Variants in TEX9 observed in about 807,000 individuals in gnomAD.
TEX9 encodes the protein testis-expressed protein 9.
Under a neutral mutation model 59.6 loss-of-function variants are expected in TEX9, and 74 were observed. The ratio of observed to expected loss-of-function variants is 1.24; its 90% CI spans 1.03 to 1.51. TEX9 has a LOEUF of 1.51. Among genes scored for constraint, TEX9 ranks in the 40% most tolerant of loss-of-function variants. The probability of loss-of-function intolerance (pLI) is 0.00; values close to 1 mark genes in which losing one functional copy is unlikely to be tolerated. For synonymous variants in TEX9, 186 were observed against 152.2 expected (o/e 1.22, Z -1.64); for missense variants, 522 against 447.8 (o/e 1.17, Z -1.49).
chr15:56,343,288 C>T (rs1480094925), intron 1 of TEX9, among the ~76,000 whole-genome samples: 1 of 151,838 alleles, frequency 6.6e-6, no homozygotes, highest in East Asian at 1.9e-4. Flanking sequence ...TCTAGATATC[C>T]AGAAAAGAAA....
intron 1 of TEX9, among the ~76,000 whole-genome samples, chr15:56,339,408 A>AAAAC (rs1330935109): frequency 1.4e-5 from 2 of 147,492 alleles, no homozygotes; most frequent in African/African-American, 2.5e-5. Context: ...AAAAAAAAAA[A>AAAAC]AAAAAACAGG....
intron 10 of TEX9, among the ~76,000 whole-genome samples, chr15:56,417,341 A>G (rs1474650091): frequency 6.6e-6 from 1 of 152,022 alleles, no homozygotes; most frequent in Non-Finnish European, 1.5e-5. Context: ...GTTTAGTGCT[A>G]TGAATTTCCC....
At chr15:56,345,238 T>C (rs547092083) in intron 1 of TEX9, among the ~76,000 whole-genome samples, 1 of 152,030 alleles carries the variant, frequency 6.6e-6, no homozygotes, top group East Asian at 1.9e-4. Context: ...GAATGAGGGT[T>C]AAAAGAGTAG....
At chr15:56,321,570 T>G (rs2045905254) in intron 1 of TEX9, among the ~76,000 whole-genome samples, 1 of 152,092 alleles carries the variant, frequency 6.6e-6, no homozygotes, top group Non-Finnish European at 1.5e-5. Flanking sequence ...GAACAGATAT[T>G]GGGAAGGGAA....
chr15:56,360,102 AT>A (rs1368917377), intron 1 of TEX9, among the ~76,000 whole-genome samples: 1 of 152,150 alleles, frequency 6.6e-6, no homozygotes, highest in African/African-American at 2.4e-5. Flanking sequence ...GTGTTGCATA[AT>A]TCTTTTTAGA....
At chr15:56,293,694 G>A (rs1443599018) in intron 1 of TEX9, among the ~76,000 whole-genome samples, 1 of 152,198 alleles carries the variant, frequency 6.6e-6, no homozygotes, top group African/African-American at 2.4e-5. Context: ...GGTCAGCCAT[G>A]CAGGCAGTAT....
At chr15:56,400,610 A>G (rs2048720902) in intron 9 of TEX9, among the ~76,000 whole-genome samples, 1 of 152,214 alleles carries the variant, frequency 6.6e-6, no homozygotes, top group South Asian at 2.1e-4. Context: ...ACAGGACAAC[A>G]TTCAAATTCA....
intron 2 of TEX9, among the ~76,000 whole-genome samples, chr15:56,369,879 A>G (rs2047112037): frequency 6.6e-6 from 1 of 152,164 alleles, no homozygotes. Flanking sequence ...AATTATAATT[A>G]TAGTTTAAAA....
intron 1 of TEX9, among the ~76,000 whole-genome samples, chr15:56,325,489 C>A (rs535621301): frequency 6.6e-6 from 1 of 152,268 alleles, no homozygotes; most frequent in Admixed American, 6.5e-5. Flanking sequence ...CCATACTTAA[C>A]CTCTTACCCA....
intron 9 of TEX9, among the ~76,000 whole-genome samples, chr15:56,404,776 T>C (rs2140074878): frequency 6.6e-6 from 1 of 152,268 alleles, no homozygotes; most frequent in South Asian, 2.1e-4. Context: ...ATGTGGCACA[T>C]ATATACCACG....
At chr15:56,343,299 G>T (rs1178908632) in intron 1 of TEX9, among the ~76,000 whole-genome samples, 2 of 151,866 alleles carry the variant, frequency 1.3e-5, no homozygotes, top group Non-Finnish European at 2.9e-5. Context: ...AGAAAAGAAA[G>T]GCTACATATC....
intron 12 of TEX9, chr15:56,429,368 T>C (rs2050492781): frequency 3.8e-6 from 2 of 531,996 alleles, no homozygotes; most frequent in Admixed American, 3.8e-5. Context: ...ACTTTACATA[T>C]ATATTGAATA....
chr15:56,310,970 A>G (rs1260304360), intron 1 of TEX9, among the ~76,000 whole-genome samples: 1 of 152,110 alleles, frequency 6.6e-6, no homozygotes, highest in African/African-American at 2.4e-5. Flanking sequence ...GAAGGGCCCT[A>G]CAGATGACCT....
rs1486794395 is a variant in TEX9, at chr15:56,426,620, T to C, written c.964-985T>C. ...ATATATATATATATATATATATATA[T>C]ATATATACACACACACAAACACACA... is the stretch of plus-strand genomic sequence containing the variant. On this transcript the variant is annotated intron_variant, in intron 10 of 12. Coordinates refer to ENST00000352903, the Ensembl canonical transcript of TEX9. Among the ~76,000 whole-genome samples the C allele has an allele frequency of 2.9e-3, 159 of 54,936 alleles. 8 individuals are homozygous for C. Among genetic ancestry groups the C allele is most frequent in the African/African-American group, 9.4e-3 (156 of 16,604 alleles). The allele number at this position is 54,936 out of a possible 152,430, so 36.0% of individuals were successfully genotyped here.
chr15:56,410,914 G>T (rs970030976), intron 9 of TEX9, among the ~76,000 whole-genome samples: 1 of 152,208 alleles, frequency 6.6e-6, no homozygotes, highest in African/African-American at 2.4e-5. Context: ...CTGTGAAGAA[G>T]GCTGTGATAG....
chr15:56,414,254 A>AT (rs2049552398), intron 10 of TEX9, among the ~76,000 whole-genome samples: 11 of 113,874 alleles, frequency 9.7e-5, no homozygotes, highest in Admixed American at 4.7e-4. Flanking sequence ...ATTTTGTTTT[A>AT]ATTTTTTTTA....
At position 56,327,007 on chromosome 15, in the gene TEX9, C is replaced by G. The variant is rs192014253; in HGVS notation, c.-106-46434C>G. Among the ~76,000 whole-genome samples the G allele has an allele frequency of 3.9e-5, 6 of 152,186 alleles. No individual in the cohort carries two copies. In the East Asian group the frequency reaches 1.2e-3, roughly 29 times the overall value. ...CCATTAAAGAACTTACCCGTGTAAC[C>G]AAATACCACCTGTTCCCCAAAAACT... On this transcript the variant is annotated intron_variant, in intron 1 of 5. Transcript: ENST00000560827.
At chr15:56,272,061 C>T (rs926429365) in intron 1 of TEX9, among the ~76,000 whole-genome samples, 9 of 151,622 alleles carry the variant, frequency 5.9e-5, no homozygotes, top group South Asian at 2.1e-4. Flanking sequence ...GGGGAATGGC[C>T]GGAACCGGGG....
intron 1 of TEX9, among the ~76,000 whole-genome samples, chr15:56,339,410 A>AAAAAAAAAC: frequency 1.3e-5 from 2 of 149,916 alleles, no homozygotes; most frequent in African/African-American, 4.9e-5. Flanking sequence ...AAAAAAAAAA[A>AAAAAAAAAC]AAAACAGGAG....
Sources: allele counts gnomAD v4.1 joint callset (sites outside exome capture counted in the v4.1 genomes callset), GRCh38; gene constraint gnomAD v4.1.1; transcripts MANE v1.5; gene names NCBI Gene and HGNC (gene_info 2026-07-23, HGNC 2026-07-21).